The following GNAS variants were observed in gnomAD, a reference collection of about 807,000 sequenced individuals.
The protein encoded by GNAS is protein ALEX.
Under a neutral mutation model 54.5 loss-of-function variants are expected in GNAS, and 8 were observed. That is an observed-to-expected ratio of 0.15 (90% CI 0.09 to 0.26). The LOEUF (loss-of-function observed/expected upper bound fraction) is 0.26, where lower values mean the gene tolerates loss of function less well. Ranked by LOEUF, GNAS falls within the 10% of genes least tolerant of loss-of-function variation. GNAS has a pLI of 1.00. For missense variants in GNAS, 170 were observed against 529.8 expected (o/e 0.32, Z 6.67); for synonymous variants, 204 against 191.4 (o/e 1.07, Z -0.54).
intron 1 of GNAS, among the ~76,000 whole-genome samples, chr20:58,858,408 T>A (rs539955512): frequency 6.6e-6 from 1 of 152,284 alleles, no homozygotes; most frequent in African/African-American, 2.4e-5. Context: ...TAGAAATCAG[T>A]AATATGATTA....
chr20:58,847,135 G>C (rs2085969726), intron 1 of GNAS, among the ~76,000 whole-genome samples: 1 of 152,252 alleles, frequency 6.6e-6, no homozygotes, highest in Non-Finnish European at 1.5e-5. Flanking sequence ...GGCACCTTTT[G>C]AGAAGGTTGC....
intron 1 of GNAS, among the ~76,000 whole-genome samples, chr20:58,866,779 C>CT (rs34589209): frequency 5.5e-4 from 80 of 144,478 alleles, no homozygotes; most frequent in East Asian, 8.1e-4. Flanking sequence ...AGATTTTTTT[C>CT]TTTTTTTTTT....
At chr20:58,874,312 CT>C (rs374066832) in intron 1 of GNAS, among the ~76,000 whole-genome samples, 84 of 152,306 alleles carry the variant, frequency 5.5e-4, no homozygotes, top group African/African-American at 1.9e-3. Flanking sequence ...CTTTTGCCAA[CT>C]TCTTTCTTTC....
chr20:58,840,199 G>A (rs1190126697), upstream of GNAS: 4 of 1,611,038 alleles, frequency 2.5e-6, no homozygotes, highest in South Asian at 1.1e-5. The surrounding 1 kb of genome is among the most constrained non-coding windows in gnomAD (Gnocchi z 6.0). Context: ...CAGCCACCGC[G>A]CTCCTCTGGC....
chr20:58,874,009 T>G (rs747493505), intron 1 of GNAS, among the ~76,000 whole-genome samples: 3 of 152,212 alleles, frequency 2.0e-5, no homozygotes, highest in Non-Finnish European at 1.5e-5. Flanking sequence ...CCTAGAAGGA[T>G]CTGCTGGGGT....
intron 1 of GNAS, among the ~76,000 whole-genome samples, chr20:58,871,991 G>T (rs1265096973): frequency 1.3e-5 from 2 of 152,078 alleles, no homozygotes; most frequent in African/African-American, 4.8e-5. Context: ...GGGAGGAGAG[G>T]CAGGTTCACA....
chr20:58,905,546 G>C (rs1601132310), intron 6 of GNAS, 66 bp downstream of exon 6: 2 of 904,102 alleles, frequency 2.2e-6, no homozygotes, highest in Admixed American at 3.4e-5. Context: ...ATGAAAACCT[G>C]TGATCCTGCT....
chr20:58,875,002 C>T (rs1348161552), intron 1 of GNAS, among the ~76,000 whole-genome samples: 1 of 152,122 alleles, frequency 6.6e-6, no homozygotes, highest in Non-Finnish European at 1.5e-5. Flanking sequence ...GTAACTATCA[C>T]AGCATATGAT....
In GNAS at chr20:58,855,141, C is replaced by A. The variant is rs1457006473; in HGVS notation, c.43+14255C>A. ...GGGCTGCTTCGGTCGATCTGAGAGT[C>A]CCCAGCCCAAAGCCTCGCGCTCTCT... On this transcript the variant is annotated intron_variant, in intron 1 of 12. Coordinates refer to the GNAS transcript ENST00000306090. The A allele has an allele frequency of 3.1e-6, 5 of 1,613,414 alleles. No homozygotes were observed. The highest frequency in any genetic ancestry group is 4.2e-6 in the Non-Finnish European group (5 of 1,179,708).
chr20:58,841,530 C>A lies in GNAS; in HGVS notation c.43+644C>A. The A allele has an allele frequency of 1.0e-6, 1 of 994,488 alleles. No individual in the cohort carries two copies. Among genetic ancestry groups the A allele is most frequent in the Non-Finnish European group, 1.2e-6 (1 of 836,378 alleles). The allele number at this position is 994,488 out of a possible 1,614,324, so 61.6% of individuals were successfully genotyped here. On this transcript the variant is annotated intron_variant, in intron 1 of 12. Coordinates refer to the GNAS transcript ENST00000306090. The surrounding 1 kb of genome is among the most constrained non-coding windows in gnomAD (Gnocchi z 5.0). ...GGGACCTCCGCGCCAGTGCCTCCAG[C>A]TGCCGTGCGCCAGCCTTGGCCGCCA...
chr20:58,872,923 G>A (rs1192723033), intron 1 of GNAS, among the ~76,000 whole-genome samples: 6 of 152,180 alleles, frequency 3.9e-5, no homozygotes, highest in Admixed American at 3.9e-4. Context: ...TGTTGTGGTT[G>A]GACCCCATTC....
intron 1 of GNAS, among the ~76,000 whole-genome samples, chr20:58,894,444 A>G (rs2089845349): frequency 6.6e-6 from 1 of 152,258 alleles, no homozygotes; most frequent in South Asian, 2.1e-4. Flanking sequence ...GGCTTGTGAA[A>G]AGGCAAGTAA....
At chr20:58,865,510 CATATATA>C (rs2087009471) in intron 1 of GNAS, among the ~76,000 whole-genome samples, 1 of 146,516 alleles carries the variant, frequency 6.8e-6, no homozygotes, top group Non-Finnish European at 1.5e-5. Flanking sequence ...ATAATATATA[CATATATA>C]ATATATATCA....
chr20:58,904,883 T>C (rs959484076), intron 5 of GNAS, among the ~76,000 whole-genome samples: 2 of 152,220 alleles, frequency 1.3e-5, no homozygotes, highest in Non-Finnish European at 2.9e-5. Context: ...CAATAACTTT[T>C]TATTAGTCCT....
At chr20:58,877,952 C>G (rs866358825) in intron 1 of GNAS, among the ~76,000 whole-genome samples, 1 of 152,162 alleles carries the variant, frequency 6.6e-6, no homozygotes, top group Non-Finnish European at 1.5e-5. Context: ...CAAAATGAGT[C>G]CAGGTTAGCT....
At chr20:58,891,211 C>G (rs1370907580), upstream of GNAS, 3 of 149,128 alleles carry the variant, frequency 2.0e-5, no homozygotes, top group African/African-American at 4.9e-5. Context: ...CCCGGGGGGC[C>G]GCCTCCCTCC....
rs1272966324 is a variant in GNAS at position 58,910,709 on chromosome 20, G to A, written c.1065G>A (p.Gly355=). The A allele has an allele frequency of 6.8e-6, 11 of 1,614,054 alleles. No homozygotes were observed. Among genetic ancestry groups the A allele is most frequent in the Non-Finnish European group, 9.3e-6 (11 of 1,180,028 alleles). ...GGATCAGCACTGCCAGTGGAGATGG[G>A]CGTCACTACTGCTACCCTCATTTCA... ...FLRISTASGD[G]RHYCYPHFTC... is the part of the protein sequence containing the mutation. Residue 355 remains glycine, a synonymous_variant, in exon 13 of 13, where the codon GGG becomes GGA. Transcript: ENST00000371085. This position sits in a 1 kb window ranked among gnomAD's most constrained non-coding sequence, Gnocchi z 5.8.
rs1380534346 is a variant in GNAS, at chr20:58,850,865, A to G, written c.43+9979A>G. The G allele has an allele frequency of 1.0e-5, 4 of 398,664 alleles. No homozygotes were observed. The Admixed American group carries it at 1.8e-4, about 18-fold the overall frequency. The allele number at this position is 398,664 out of a possible 1,614,324, so 24.7% of individuals were successfully genotyped here. On this transcript the variant is annotated intron_variant, in intron 1 of 12. Transcript: ENST00000306090. ...CCCCCCACCGGCTTCCAACCACCCC[A>G]GCAGCACCTCTTCGGGCGTTCCAAC...
intron 6 of GNAS, among the ~76,000 whole-genome samples, chr20:58,907,516 C>T (rs904770110): frequency 1.3e-5 from 2 of 152,150 alleles, no homozygotes; most frequent in African/African-American, 4.8e-5. Flanking sequence ...AGTTTAACCA[C>T]CCCAGTTTTG....
Sources: gnomAD v4.1 joint callset for allele counts (sites outside exome capture counted in the v4.1 genomes callset) on GRCh38, gnomAD v4.1.1 for gene constraint, Gnocchi (gnomAD v3.1) non-coding constraint, MANE v1.5 for transcripts, NCBI Gene and HGNC (gene_info 2026-07-23, HGNC 2026-07-21) for gene names.